Variants in HLTF observed in about 807,000 individuals in gnomAD.
HLTF encodes helicase like transcription factor.
HLTF carries 127 observed loss-of-function variants against 129.4 expected under a neutral mutation model. The observed-to-expected ratio is 0.98, with a 90% CI of 0.85 to 1.14. The LOEUF (loss-of-function observed/expected upper bound fraction) is 1.14. Among genes scored for constraint, HLTF ranks in the 50% most tolerant of loss-of-function variants. The probability of loss-of-function intolerance (pLI) is 0.00; values close to 1 mark genes in which losing one functional copy is unlikely to be tolerated. For synonymous variants in HLTF, 332 were observed against 388.8 expected (o/e 0.85, Z 1.72); for missense variants, 1,139 against 1,187.1 (o/e 0.96, Z 0.60).
intron 10 of HLTF, among the ~76,000 whole-genome samples, chr3:149,061,158 C>G (rs1440044500): frequency 6.6e-6 from 1 of 152,130 alleles, no homozygotes; most frequent in African/African-American, 2.4e-5. Flanking sequence ...CAACCTCATA[C>G]TCCTGGGCTC....
chr3:149,083,204 T>C (rs1018229821), intron 2 of HLTF, among the ~76,000 whole-genome samples: 3 of 151,978 alleles, frequency 2.0e-5, no homozygotes, highest in African/African-American at 7.3e-5. Flanking sequence ...TGAGCCAAGA[T>C]TGCACCATTG....
intron 23 of HLTF, among the ~76,000 whole-genome samples, chr3:149,036,354 T>G (rs1715631662): frequency 7.4e-6 from 1 of 135,010 alleles, no homozygotes; most frequent in Non-Finnish European, 1.5e-5. Flanking sequence ...AGTGGCACGA[T>G]CTCAGCTCAG....
rs372033544 is a variant in HLTF, at chr3:149,072,159, G to A, written c.628-502C>T. 2.9e-4 allele frequency among the ~76,000 whole-genome samples: 44 copies of A among 152,304 alleles called. No homozygotes were observed. In the South Asian group the frequency reaches 8.5e-3, roughly 29 times the overall value. ...AGAATTACACTACTCACTGAAGAGCGAATGAACAGGTGCTTTAGTTGTTAG... is the reference window on the plus strand; with the variant it reads ...AGAATTACACTACTCACTGAAGAGCAAATGAACAGGTGCTTTAGTTGTTAG... On this transcript the variant is annotated intron_variant, in intron 5 of 24. Coordinates refer to ENST00000310053, the MANE Select transcript of HLTF (RefSeq NM_003071.4).
intron 20 of HLTF, among the ~76,000 whole-genome samples, chr3:149,041,183 G>A (rs1457184337): frequency 6.6e-6 from 1 of 152,018 alleles, no homozygotes; most frequent in African/African-American, 2.4e-5. Context: ...TTAGCTTAAT[G>A]TTTCTTTTTA....
At chr3:149,058,297 A>G (rs1717644219) in intron 13 of HLTF, among the ~76,000 whole-genome samples, 1 of 151,428 alleles carries the variant, frequency 6.6e-6, no homozygotes, top group African/African-American at 2.4e-5. Flanking sequence ...CTGATCTTGA[A>G]CTCATGGGCC....
intron 2 of HLTF, among the ~76,000 whole-genome samples, chr3:149,080,984 C>A (rs914336374): frequency 6.6e-6 from 1 of 151,982 alleles, no homozygotes; most frequent in African/African-American, 2.4e-5. Context: ...AGAAGTGTAC[C>A]ATTTTTCATA....
chr3:149,036,459 T>C (rs1269136386), intron 23 of HLTF, among the ~76,000 whole-genome samples: 7 of 151,852 alleles, frequency 4.6e-5, no homozygotes, highest in Non-Finnish European at 5.9e-5. Context: ...CCGCTAATTT[T>C]TGTATTTTTA....
Position 149,048,774 on chromosome 3 carries a change from C to A in HLTF, c.1756+89G>T, listed in dbSNP as rs796377360. On this transcript the variant is annotated intron_variant, in intron 16 of 24. Coordinates refer to ENST00000310053, the MANE Select transcript of HLTF (RefSeq NM_003071.4). Reference sequence around the variant, plus strand: ...TTAATTTTGGGGCAGAATTTACACCCACTTTAAGTTTACAAAGTTACTTTA... The same window carrying A: ...TTAATTTTGGGGCAGAATTTACACCAACTTTAAGTTTACAAAGTTACTTTA... The A allele has an allele frequency of 2.3e-5, 22 of 950,714 alleles. No individual in the cohort carries two copies. The African/African-American group carries it at 3.6e-4, about 16-fold the overall frequency. The allele number at this position is 950,714 out of a possible 1,614,324, so 58.9% of individuals were successfully genotyped here.
At chr3:149,063,296 A>AGG in intron 10 of HLTF, 135 bp downstream of exon 10, 1 of 581,464 alleles carries the variant, frequency 1.7e-6, no homozygotes, top group Non-Finnish European at 3.2e-6. Flanking sequence ...TCCTGACCTC[A>AGG]TGATCCGCCC....
At chr3:149,041,274 T>C (rs761274500) in intron 20 of HLTF, among the ~76,000 whole-genome samples, 5 of 152,160 alleles carry the variant, frequency 3.3e-5, no homozygotes, top group Non-Finnish European at 7.4e-5. Flanking sequence ...AGCAATGATA[T>C]AAACAGCGGA....
chr3:149,036,307 TGAGATGGAG>T (rs1553736654), intron 23 of HLTF, among the ~76,000 whole-genome samples: 1 of 142,284 alleles, frequency 7.0e-6, no homozygotes, highest in Non-Finnish European at 1.5e-5. Flanking sequence ...GTTTTTTTTT[TGAGATGGAG>T]TCTCGCTCTG....
chr3:149,031,813 A>C lies in HLTF; in HGVS notation c.*407T>G, dbSNP rs1272385905. 1 of 153,336 alleles carries C rather than the reference A, an allele frequency of 6.5e-6. No homozygotes were observed. Among genetic ancestry groups the C allele is most frequent in the East Asian group, 1.9e-4 (1 of 5,246 alleles). 9.5% of individuals were successfully genotyped at this position (153,336 alleles called of 1,614,324 possible). On this transcript the variant is annotated 3_prime_UTR_variant, in exon 25 of 25. Coordinates refer to ENST00000310053, the MANE Select transcript of HLTF (RefSeq NM_003071.4). ...TGTTTACAAGGACTACAAACACTGC[A>C]TCACAAATCGGAGGCTTTGGTAAAT...
intron 14 of HLTF, among the ~76,000 whole-genome samples, chr3:149,050,789 T>C (rs1467641457): frequency 6.6e-6 from 1 of 152,242 alleles, no homozygotes; most frequent in Non-Finnish European, 1.5e-5. Context: ...CTGTAGCCAC[T>C]TTCTTTCACT....
intron 20 of HLTF, among the ~76,000 whole-genome samples, chr3:149,040,804 G>A (rs1716068698): frequency 6.6e-6 from 1 of 152,138 alleles, no homozygotes; most frequent in African/African-American, 2.4e-5. Context: ...GACCTAGGCA[G>A]CAGATACAGG....
intron 7 of HLTF, 144 bp downstream of exon 7, chr3:149,071,108 G>C: frequency 2.0e-6 from 1 of 508,468 alleles, no homozygotes; most frequent in Admixed American, 3.6e-5. Flanking sequence ...AAAAACTACA[G>C]GAAAAACTGT....
chr3:149,043,413 T>C (rs576275004), intron 18 of HLTF, among the ~76,000 whole-genome samples: 1 of 149,860 alleles, frequency 6.7e-6, no homozygotes, highest in East Asian at 2.0e-4. Context: ...AGAAATAAAA[T>C]AATGGAACAG....
At chr3:149,067,608 T>C (rs1718503132) in intron 8 of HLTF, among the ~76,000 whole-genome samples, 1 of 151,724 alleles carries the variant, frequency 6.6e-6, no homozygotes. Context: ...GCTCCAGCAA[T>C]CCTCCTGCTT....
intron 5 of HLTF, 70 bp from the exon 6 acceptor site, chr3:149,071,727 T>C: frequency 1.0e-6 from 1 of 966,386 alleles, no homozygotes; most frequent in Non-Finnish European, 1.6e-6. Flanking sequence ...TTAAGTCAGA[T>C]TTGAAATCAT....
chr3:149,053,287 G>A (rs1559865311), intron 14 of HLTF, among the ~76,000 whole-genome samples: 1 of 152,170 alleles, frequency 6.6e-6, no homozygotes, highest in Non-Finnish European at 1.5e-5. Context: ...GAAGGTGTAT[G>A]GCTCATAGCG....
Sources: allele counts gnomAD v4.1 joint callset (sites outside exome capture counted in the v4.1 genomes callset), GRCh38; gene constraint gnomAD v4.1.1; transcripts MANE v1.5; gene names NCBI Gene and HGNC (gene_info 2026-07-23, HGNC 2026-07-21).